JAK1: variants seen among roughly 807,000 people sequenced by gnomAD.
JAK1 encodes tyrosine-protein kinase JAK1.
Under a neutral mutation model 136.6 loss-of-function variants are expected in JAK1, and 16 were observed. The observed-to-expected ratio is 0.12, with a 90% CI of 0.08 to 0.18. The LOEUF (loss-of-function observed/expected upper bound fraction) is 0.18, where lower values mean the gene tolerates loss of function less well. JAK1 is among the 10% of genes least tolerant of loss of function. The pLI, the probability that JAK1 is intolerant of heterozygous loss-of-function variation, is 1.00. For missense variants in JAK1, 859 were observed against 1,450.1 expected (o/e 0.59, Z 6.62); for synonymous variants, 492 against 519.5 (o/e 0.95, Z 0.72).
chr1:64,843,894 C>A (rs1284751679), intron 17 of JAK1, among the ~76,000 whole-genome samples, 170 bp downstream of exon 17: 2 of 152,266 alleles, frequency 1.3e-5, no homozygotes, highest in East Asian at 1.9e-4. Context: ...GAAACTGAGG[C>A]TCACGGAAGT....
intron 1 of JAK1, among the ~76,000 whole-genome samples, chr1:64,892,141 A>G (rs1644947225): frequency 6.6e-6 from 1 of 152,228 alleles, no homozygotes; most frequent in South Asian, 2.1e-4. Context: ...ACACATCCAT[A>G]ATCTTATTAA....
intron 1 of JAK1, among the ~76,000 whole-genome samples, chr1:64,912,853 T>C (rs768207418): frequency 3.3e-5 from 5 of 152,194 alleles, no homozygotes; most frequent in Non-Finnish European, 5.9e-5. Flanking sequence ...CAGTGTGTGA[T>C]TTGGGGCTTT....
Position 64,844,931 on chromosome 1 carries a change from C to A in JAK1, c.2116-42G>T, listed in dbSNP as rs753768412. On this transcript the variant is annotated intron_variant, in intron 15 of 24. Transcript: ENST00000342505. This position sits in a 1 kb window ranked among gnomAD's most constrained non-coding sequence, Gnocchi z 5.7. ...TCAAGTTTAGCCAAGCTGCTCCTTC[C>A]CGCATTCTATTTCCAACCCTGGTCC... is the stretch of plus-strand genomic sequence containing the variant. 1.2e-6 allele frequency: 2 copies of A among 1,613,282 alleles called. No homozygotes were observed. Among genetic ancestry groups the A allele is most frequent in the East Asian group, 2.2e-5 (1 of 44,852 alleles).
chr1:64,860,861 T>TGTGTGTGTG (rs58016723), intron 8 of JAK1, among the ~76,000 whole-genome samples: 40 of 132,268 alleles, frequency 3.0e-4, no homozygotes, highest in African/African-American at 3.6e-4. Flanking sequence ...TGTGTGTGTG[T>TGTGTGTGTG]TGGGGGTGAC....
chr1:64,860,394 C>T (rs186039645), intron 8 of JAK1, 132 bp from the exon 9 acceptor site: 28 of 460,602 alleles, frequency 6.1e-5, no homozygotes, highest in Admixed American at 3.5e-4. Context: ...ACCTTTTCAT[C>T]AATACTAAAT....
intron 3 of JAK1, among the ~76,000 whole-genome samples, chr1:64,881,542 T>C (rs1644772612): frequency 6.6e-6 from 1 of 152,200 alleles, no homozygotes; most frequent in Non-Finnish European, 1.5e-5. Context: ...CATCACTTTC[T>C]GTAGTAACAG....
intron 2 of JAK1, among the ~76,000 whole-genome samples, chr1:65,020,225 CAAAAAAAAAAA>C (rs375362876): frequency 2.0e-5 from 1 of 50,790 alleles, no homozygotes; most frequent in East Asian, 7.2e-4. Flanking sequence ...AACTCCGTCT[CAAAAAAAAAAA>C]AAAAAAAAAA....
intron 2 of JAK1, among the ~76,000 whole-genome samples, chr1:65,027,965 C>A (rs996355533): frequency 6.6e-6 from 1 of 152,204 alleles, no homozygotes; most frequent in African/African-American, 2.4e-5. Flanking sequence ...ACAACCCCAA[C>A]AGCTGTCCAG....
At chr1:65,043,896 A>G (rs1378571267) in intron 2 of JAK1, among the ~76,000 whole-genome samples, 11 of 151,866 alleles carry the variant, frequency 7.2e-5, no homozygotes, top group African/African-American at 2.4e-4. Context: ...TAATTTTTGT[A>G]TTTTTAATAA....
At chr1:65,054,460 T>G (rs1647435106) in intron 1 of JAK1, among the ~76,000 whole-genome samples, 1 of 152,012 alleles carries the variant, frequency 6.6e-6, no homozygotes, top group Admixed American at 6.6e-5. Flanking sequence ...GATTGGTGAA[T>G]CCTCAAGTAA....
intron 1 of JAK1, among the ~76,000 whole-genome samples, chr1:64,897,294 G>A (rs2101426188): frequency 6.6e-6 from 1 of 151,400 alleles, no homozygotes; most frequent in South Asian, 2.1e-4. Flanking sequence ...GCCAGGTGTG[G>A]TGGTGAGCAC....
chr1:65,058,543 T>C (rs1169911274), intron 1 of JAK1: 2 of 530,794 alleles, frequency 3.8e-6, no homozygotes, highest in Admixed American at 2.0e-5. Context: ...ACGGCATCCT[T>C]TCTGGTGGCT....
chr1:64,863,289 A>G (rs1434934951), intron 8 of JAK1, among the ~76,000 whole-genome samples: 5 of 147,618 alleles, frequency 3.4e-5, no homozygotes, highest in Admixed American at 3.4e-4. Context: ...CACGGGGCCT[A>G]ATATCCAGGA....
At chr1:64,943,173 T>C (rs1319972760) in intron 1 of JAK1, among the ~76,000 whole-genome samples, 7 of 152,200 alleles carry the variant, frequency 4.6e-5, no homozygotes, top group East Asian at 1.9e-4. Context: ...TCCTCAGGAA[T>C]ACCTGGGCTC....
At chr1:64,947,236 AT>A (rs1175703800) in intron 1 of JAK1, among the ~76,000 whole-genome samples, 1 of 151,418 alleles carries the variant, frequency 6.6e-6, no homozygotes, top group African/African-American at 2.4e-5. Context: ...CTTAAAAAAA[AT>A]TTTTTAACTG....
chr1:65,052,398 C>T (rs925814657), intron 1 of JAK1, among the ~76,000 whole-genome samples: 1 of 152,232 alleles, frequency 6.6e-6, no homozygotes, highest in South Asian at 2.1e-4. Flanking sequence ...GATGACTAGG[C>T]CGGGCATGGT....
At chr1:65,039,213 C>T (rs1647106093) in intron 2 of JAK1, among the ~76,000 whole-genome samples, 5 of 152,192 alleles carry the variant, frequency 3.3e-5, no homozygotes, top group Admixed American at 3.3e-4. Flanking sequence ...GCCACCACTG[C>T]CAACCTAGAC....
intron 9 of JAK1, 146 bp downstream of exon 9, chr1:64,859,959 T>C: frequency 1.7e-6 from 1 of 573,538 alleles, no homozygotes; most frequent in Non-Finnish European, 2.9e-6. Context: ...TGACCAGAGC[T>C]TGGACAGCAG....
intron 1 of JAK1, among the ~76,000 whole-genome samples, chr1:64,899,215 G>C (rs1350022665): frequency 6.6e-6 from 1 of 152,060 alleles, no homozygotes; most frequent in Admixed American, 6.6e-5. Flanking sequence ...TCAAATCTAA[G>C]TCATTAGACA....
Sources: allele counts gnomAD v4.1 joint callset (sites outside exome capture counted in the v4.1 genomes callset), GRCh38; gene constraint gnomAD v4.1.1; non-coding constraint Gnocchi (gnomAD v3.1); transcripts MANE v1.5; gene names NCBI Gene and HGNC (gene_info 2026-07-23, HGNC 2026-07-21).